Variants in XYLT1 observed in about 807,000 individuals in gnomAD.
XYLT1 encodes beta-D-xylosyltransferase 1.
In XYLT1, 36 loss-of-function variants were observed where a neutral mutation model predicts 91.3. The observed-to-expected ratio is 0.39, with a 90% confidence interval of 0.30 to 0.52. The LOEUF (loss-of-function observed/expected upper bound fraction) is 0.52, where lower values mean the gene tolerates loss of function less well. XYLT1 is among the 20% of genes least tolerant of loss of function. The probability of loss-of-function intolerance (pLI) is 0.68; values close to 1 mark genes in which losing one functional copy is unlikely to be tolerated. For missense variants in XYLT1, 1,242 were observed against 1,284.5 expected, an observed-to-expected ratio of 0.97 and a Z score of 0.51; for synonymous variants, 588 against 532.0, an observed-to-expected ratio of 1.11 and a Z score of -1.45.
intron 5 of XYLT1, among the ~76,000 whole-genome samples, chr16:17,195,593 G>T (rs899231786): frequency 6.6e-6 from 1 of 151,976 alleles, no homozygotes. Flanking sequence ...TTACAGGCAC[G>T]CACCACCATG....
chr16:17,151,427 A>G (rs2031280795), intron 6 of XYLT1, among the ~76,000 whole-genome samples: 1 of 151,976 alleles, frequency 6.6e-6, no homozygotes, highest in Admixed American at 6.5e-5. Flanking sequence ...CAAAAAGAAA[A>G]ATAAAAAGAA....
chr16:17,396,916 T>C (rs2035893959), intron 1 of XYLT1, among the ~76,000 whole-genome samples: 1 of 152,124 alleles, frequency 6.6e-6, no homozygotes, highest in African/African-American at 2.4e-5. Context: ...TACCATCCCA[T>C]ACCATAGCCA....
At chr16:17,459,895 C>A (rs2036793946) in intron 1 of XYLT1, among the ~76,000 whole-genome samples, 1 of 152,140 alleles carries the variant, frequency 6.6e-6, no homozygotes, top group African/African-American at 2.4e-5. Flanking sequence ...CTCCCTGTCC[C>A]CCACGGGTTA....
Position 17,200,634 on chromosome 16 carries a change from G to A in XYLT1, c.934C>T (p.Gln312Ter). The A allele has an allele frequency of 6.2e-7, 1 of 1,613,672 alleles. No individual in the cohort carries two copies. The highest frequency in any genetic ancestry group is 8.5e-7 in the Non-Finnish European group (1 of 1,179,592). The change falls in exon 4 of 12, where the codon CAG becomes TAG. Residue 312 changes from glutamine to a stop codon, truncating the protein, a stop_gained. Coordinates refer to ENST00000261381, the MANE Select transcript of XYLT1 (RefSeq NM_022166.4). LOFTEE classifies it high-confidence loss of function. ...TACTCCACGGAGTCCTCGTCCCACT[G>A]CACGTTCTTGTTGGCTTTACCTGGG... ...PLEGKANKNV[Q>*]WDEDSVEYMP...
At chr16:17,374,409 C>G (rs1363185477) in intron 1 of XYLT1, among the ~76,000 whole-genome samples, 1 of 150,462 alleles carries the variant, frequency 6.6e-6, no homozygotes, top group African/African-American at 2.4e-5. Context: ...TCAGGATCAG[C>G]CTTCACTCCT....
intron 1 of XYLT1, among the ~76,000 whole-genome samples, chr16:17,381,783 T>G (rs2035683694): frequency 1.3e-5 from 2 of 152,166 alleles, no homozygotes; most frequent in South Asian, 4.1e-4. Context: ...TGTCTAACAT[T>G]TTAGTTCTGA....
At chr16:17,351,465 A>T (rs555644601) in intron 2 of XYLT1, among the ~76,000 whole-genome samples, 2 of 152,298 alleles carry the variant, frequency 1.3e-5, no homozygotes, top group South Asian at 4.1e-4. Flanking sequence ...GTGAGCCAAG[A>T]TCACACCATT....
intron 2 of XYLT1, among the ~76,000 whole-genome samples, chr16:17,305,397 C>T (rs978866878): frequency 4.7e-5 from 7 of 150,170 alleles, no homozygotes; most frequent in African/African-American, 1.7e-4. Flanking sequence ...ACATATAATA[C>T]AGAATACCTT....
chr16:17,127,847 C>G lies in XYLT1; in HGVS notation c.2042G>C (p.Gly681Ala). The G allele has an allele frequency of 1.2e-6, 2 of 1,613,654 alleles. No homozygotes were observed. The highest frequency in any genetic ancestry group is 1.7e-6 in the Non-Finnish European group (2 of 1,179,854). ...GENSCRYYPM[G>A]HPASVHLYFL... is the part of the protein sequence containing the mutation. ...GTAGAGGTGCACAGATGCTGGGTGG[C>G]CCATTGGGTAGTATCTGAAAACACA... Residue 681 changes from glycine (G) to alanine (A), a missense_variant, in exon 10 of 12, where the codon GGC (glycine) becomes GCC (alanine). This residue lies in a region of XYLT1 where 511 missense variants were observed against 497.0 expected (regional missense o/e 1.03). Transcript: ENST00000261381.
chr16:17,350,647 A>T (rs2035207783), intron 2 of XYLT1, among the ~76,000 whole-genome samples: 1 of 152,238 alleles, frequency 6.6e-6, no homozygotes, highest in Non-Finnish European at 1.5e-5. Flanking sequence ...GGGGAAAAAA[A>T]CATATGGGCT....
intron 2 of XYLT1, among the ~76,000 whole-genome samples, chr16:17,335,162 G>C (rs578251753): frequency 3.3e-5 from 5 of 151,648 alleles, no homozygotes; most frequent in African/African-American, 1.2e-4. Context: ...GGACGTTGCA[G>C]TGAGCTGAGA....
At chr16:17,354,734 T>C (rs991065540) in intron 2 of XYLT1, 1 of 152,216 alleles carries the variant, frequency 6.6e-6, no homozygotes, top group Non-Finnish European at 1.5e-5. Context: ...CTTGGCCACA[T>C]CTGCCATCTT....
chr16:17,231,071 A>C (rs550405756), intron 3 of XYLT1, among the ~76,000 whole-genome samples: 1 of 152,328 alleles, frequency 6.6e-6, no homozygotes, highest in East Asian at 1.9e-4. Context: ...AAGGAACTCT[A>C]GTCTTGAATG....
At chr16:17,326,215 T>C (rs2034799015) in intron 2 of XYLT1, among the ~76,000 whole-genome samples, 1 of 152,060 alleles carries the variant, frequency 6.6e-6, no homozygotes, top group South Asian at 2.1e-4. Flanking sequence ...TACAATGCAG[T>C]ATTGTTAACT....
At chr16:17,247,317 C>T (rs968745755) in intron 3 of XYLT1, among the ~76,000 whole-genome samples, 8 of 152,090 alleles carry the variant, frequency 5.3e-5, no homozygotes, top group Admixed American at 1.3e-4. Context: ...ATGTGCTCTT[C>T]GAATCTCCAT....
At chr16:17,308,143 G>T (rs1363870746) in intron 2 of XYLT1, among the ~76,000 whole-genome samples, 2 of 152,164 alleles carry the variant, frequency 1.3e-5, no homozygotes, top group African/African-American at 4.8e-5. Flanking sequence ...TGGCAAAGGG[G>T]CACGGAGAAT....
At chr16:17,462,445 A>C (rs528610066) in intron 1 of XYLT1, among the ~76,000 whole-genome samples, 1 of 152,148 alleles carries the variant, frequency 6.6e-6, no homozygotes, top group African/African-American at 2.4e-5. Flanking sequence ...CTGGCTTCCA[A>C]TCGGGAAGGG....
At chr16:17,174,721 G>GAATGTATTA (rs1366698983) in intron 5 of XYLT1, among the ~76,000 whole-genome samples, 1 of 152,156 alleles carries the variant, frequency 6.6e-6, no homozygotes, top group African/African-American at 2.4e-5. Flanking sequence ...ATACCATTGT[G>GAATGTATTA]AATGTATTAA....
At chr16:17,304,565 T>C (rs1403631791) in intron 2 of XYLT1, among the ~76,000 whole-genome samples, 1 of 152,194 alleles carries the variant, frequency 6.6e-6, no homozygotes, top group East Asian at 1.9e-4. Context: ...TCCTTTGAAA[T>C]AGCTGACATG....
Sources: allele counts gnomAD v4.1 joint callset (sites outside exome capture counted in the v4.1 genomes callset), GRCh38; gene constraint gnomAD v4.1.1; regional missense constraint gnomAD v4.1.1; transcripts MANE v1.5; gene names NCBI Gene and HGNC (gene_info 2026-07-23, HGNC 2026-07-21).